MAGI2: variants seen among roughly 807,000 people sequenced by gnomAD.
The protein encoded by MAGI2 is membrane associated guanylate kinase, WW and PDZ domain containing 2, also known as membrane-associated guanylate kinase, WW and PDZ domain-containing protein 2.
A neutral mutation model predicts 133.3 loss-of-function variants in MAGI2; 35 were observed. The observed-to-expected ratio is 0.26, with a 90% CI of 0.20 to 0.35. The LOEUF (loss-of-function observed/expected upper bound fraction) is 0.35. Ranked by LOEUF, MAGI2 falls within the 10% of genes least tolerant of loss-of-function variation. The pLI is 1.00. For synonymous variants in MAGI2, 729 were observed against 710.6 expected, an observed-to-expected ratio of 1.03 and a Z score of -0.41; for missense variants, 1,636 against 1,863.4, an observed-to-expected ratio of 0.88 and a Z score of 2.25.
rs368350958 is a variant in MAGI2 at position 78,995,170 on chromosome 7, G to GA, written c.418+11919dup. Among the ~76,000 whole-genome samples the GA allele has an allele frequency of 2.6e-3, 390 of 149,102 alleles. 1 individual carries two copies. Among genetic ancestry groups the GA allele is most frequent in the African/African-American group, 8.6e-3 (350 of 40,586 alleles). ...TATACTAACACTAACAAAAGCTGAT[G>GA]AAAAAAAAAATCACAAAAAAATCTC... is the stretch of plus-strand genomic sequence containing the variant. On this transcript the variant is annotated intron_variant, in intron 2 of 21. Coordinates refer to ENST00000354212, the MANE Select transcript of MAGI2 (RefSeq NM_012301.4).
intron 14 of MAGI2, among the ~76,000 whole-genome samples, chr7:78,172,606 G>A (rs1826220514): frequency 6.6e-6 from 1 of 152,214 alleles, no homozygotes; most frequent in Non-Finnish European, 1.5e-5. Context: ...TGCTTTGTCT[G>A]AGCAGGAGTC....
At chr7:78,971,125 AC>A (rs983856689) in intron 2 of MAGI2, among the ~76,000 whole-genome samples, 9 of 152,218 alleles carry the variant, frequency 5.9e-5, no homozygotes, top group African/African-American at 2.2e-4. Flanking sequence ...AATATTTCAT[AC>A]AGTAGAGCCC....
chr7:78,523,198 G>T (rs1489720998), intron 3 of MAGI2, among the ~76,000 whole-genome samples: 1 of 152,098 alleles, frequency 6.6e-6, no homozygotes, highest in East Asian at 1.9e-4. Flanking sequence ...CCTCTGTAAG[G>T]CTCAATTTCT....
At chr7:78,790,470 G>A (rs1694692691) in intron 2 of MAGI2, among the ~76,000 whole-genome samples, 1 of 152,140 alleles carries the variant, frequency 6.6e-6, no homozygotes. Flanking sequence ...GTCTCCCTTT[G>A]TTGCCCAGGC....
intron 1 of MAGI2, among the ~76,000 whole-genome samples, chr7:79,354,928 G>T (rs550946737): frequency 6.6e-6 from 1 of 152,232 alleles, no homozygotes; most frequent in African/African-American, 2.4e-5. Context: ...GACCCAATAG[G>T]TGTAAGCCCC....
intron 2 of MAGI2, among the ~76,000 whole-genome samples, chr7:78,741,968 T>G (rs1374965084): frequency 6.6e-6 from 1 of 151,904 alleles, no homozygotes; most frequent in Non-Finnish European, 1.5e-5. Context: ...TCCTGATTAC[T>G]GTCCTTTGAT....
At chr7:79,367,527 G>A (rs1173297280) in intron 1 of MAGI2, among the ~76,000 whole-genome samples, 2 of 152,042 alleles carry the variant, frequency 1.3e-5, no homozygotes, top group Admixed American at 1.3e-4. Flanking sequence ...CACCAGTGAT[G>A]TTCTGTGCTG....
chr7:78,050,067 C>T (rs1368831751), intron 21 of MAGI2, among the ~76,000 whole-genome samples: 3 of 152,144 alleles, frequency 2.0e-5, no homozygotes, highest in Non-Finnish European at 2.9e-5. Context: ...ATGATACTTA[C>T]GTAAAAGGTC....
intron 3 of MAGI2, among the ~76,000 whole-genome samples, chr7:78,602,485 A>G (rs1282085961): frequency 6.6e-6 from 1 of 152,178 alleles, no homozygotes; most frequent in Non-Finnish European, 1.5e-5. Context: ...TTCTTCTTTC[A>G]GAAGATTTCT....
intron 3 of MAGI2, among the ~76,000 whole-genome samples, chr7:78,571,906 G>T (rs1379604325): frequency 2.6e-5 from 4 of 152,044 alleles, no homozygotes; most frequent in African/African-American, 7.2e-5. Context: ...TCATTTTGTA[G>T]ACATGGGCTC....
chr7:78,922,654 A>C (rs1330602326), intron 2 of MAGI2, among the ~76,000 whole-genome samples: 2 of 152,038 alleles, frequency 1.3e-5, no homozygotes, highest in African/African-American at 4.8e-5. Context: ...AATAAACATA[A>C]CTGTGTATGT....
chr7:78,893,740 G>A (rs186709132), intron 2 of MAGI2, among the ~76,000 whole-genome samples: 74 of 152,080 alleles, frequency 4.9e-4, no homozygotes, highest in Non-Finnish European at 1.0e-3. Context: ...GGTTGGGGGC[G>A]GGGGAGGGAT....
intron 1 of MAGI2, among the ~76,000 whole-genome samples, chr7:79,203,648 T>A (rs1277206503): frequency 2.0e-5 from 3 of 152,014 alleles, no homozygotes. Context: ...TGTTGTACGT[T>A]TATATATATT....
At chr7:78,611,073 T>C (rs1032536500) in intron 3 of MAGI2, among the ~76,000 whole-genome samples, 5 of 152,224 alleles carry the variant, frequency 3.3e-5, no homozygotes, top group African/African-American at 9.6e-5. Context: ...TGAAGAAACA[T>C]TGTAAAATTG....
At chr7:79,095,987 T>C (rs1817479525) in intron 1 of MAGI2, among the ~76,000 whole-genome samples, 1 of 152,098 alleles carries the variant, frequency 6.6e-6, no homozygotes, top group Admixed American at 6.5e-5. Context: ...TGATTGTACC[T>C]TTTCAGGATG....
chr7:79,186,814 A>T (rs1303177026), intron 1 of MAGI2, among the ~76,000 whole-genome samples: 3 of 134,390 alleles, frequency 2.2e-5, no homozygotes, highest in Non-Finnish European at 4.5e-5. Context: ...TAAACATAGG[A>T]TACCAGAATC....
intron 3 of MAGI2, among the ~76,000 whole-genome samples, chr7:78,596,206 A>G (rs1804593415): frequency 8.3e-6 from 1 of 120,900 alleles, no homozygotes; most frequent in Admixed American, 8.7e-5. Context: ...GAGGGAAGGA[A>G]TGAAGGAAGG....
Position 79,378,926 on chromosome 7 carries a change from GTATATATATATATATATATA to G in MAGI2, c.301+74074_301+74093del, listed in dbSNP as rs59388508. On this transcript the variant is annotated intron_variant, in intron 1 of 21. Coordinates refer to ENST00000354212, the MANE Select transcript of MAGI2 (RefSeq NM_012301.4). ...CTTTTATATATATATATGTGTGTGT[GTATATATATATATATATATA>G]TATATATATATATATATATATATAT... 8.2e-3 allele frequency among the ~76,000 whole-genome samples: 780 copies of G among 94,630 alleles called. 29 individuals carry two copies. In the East Asian group the frequency reaches 0.14, roughly 17 times the overall value. The allele number at this position is 94,630 out of a possible 152,430, so 62.1% of individuals were successfully genotyped here. A position where few individuals can be genotyped will look rare whatever the true frequency, so the allele number is the denominator to read the frequency against.
chr7:79,337,484 A>T (rs1300905703), intron 1 of MAGI2, among the ~76,000 whole-genome samples: 2 of 152,198 alleles, frequency 1.3e-5, no homozygotes, highest in African/African-American at 2.4e-5. Flanking sequence ...AAAGATCTAC[A>T]GCATAAGTCA....
Sources: allele counts gnomAD v4.1 joint callset (sites outside exome capture counted in the v4.1 genomes callset), GRCh38; gene constraint gnomAD v4.1.1; transcripts MANE v1.5; gene names NCBI Gene and HGNC (gene_info 2026-07-23, HGNC 2026-07-21).